Variants in SIMC1 observed in about 807,000 individuals in gnomAD.
The protein encoded by SIMC1 is SUMO interacting motifs containing 1.
SIMC1 carries 55 observed loss-of-function variants against 82.3 expected under a neutral mutation model. The ratio of observed to expected loss-of-function variants is 0.67; its 90% CI spans 0.54 to 0.84. The LOEUF is 0.84. SIMC1 is among the 40% of genes least tolerant of loss of function. The pLI, the probability that SIMC1 is intolerant of heterozygous loss-of-function variation, is 0.00. For missense variants in SIMC1, 915 were observed against 1,107.2 expected, an observed-to-expected ratio of 0.83 and a Z score of 2.46; for synonymous variants, 353 against 426.3, an observed-to-expected ratio of 0.83 and a Z score of 2.12.
intron 5 of SIMC1, among the ~76,000 whole-genome samples, chr5:176,321,441 A>G (rs1345256882): frequency 1.4e-5 from 2 of 138,792 alleles, no homozygotes; most frequent in African/African-American, 2.7e-5. Flanking sequence ...GACTCTGCCT[A>G]AAAAAAAAAA....
At chr5:176,313,986 A>G in intron 5 of SIMC1, 141 bp downstream of exon 5, 1 of 1,084,840 alleles carries the variant, frequency 9.2e-7, no homozygotes, top group South Asian at 1.7e-5. Flanking sequence ...CTATAGATAG[A>G]CCAGGTGCAG....
intron 1 of SIMC1, among the ~76,000 whole-genome samples, chr5:176,272,676 C>T (rs915246166): frequency 6.6e-6 from 1 of 152,154 alleles, no homozygotes; most frequent in East Asian, 1.9e-4. Context: ...CAGGGAATTC[C>T]CTTTCCTAGC....
intron 4 of SIMC1, among the ~76,000 whole-genome samples, chr5:176,309,478 G>A (rs915287984): frequency 9.2e-5 from 14 of 152,132 alleles, no homozygotes; most frequent in African/African-American, 3.4e-4. Flanking sequence ...ACAAGTTCTT[G>A]GACTTTGCCC....
At chr5:176,266,420 A>AC (rs1366277938) in intron 1 of SIMC1, among the ~76,000 whole-genome samples, 1 of 151,982 alleles carries the variant, frequency 6.6e-6, no homozygotes, top group African/African-American at 2.4e-5. Context: ...ACAACAGAGG[A>AC]CCCCCGCCCC....
chr5:176,308,447 T>C (rs148088816), intron 4 of SIMC1: 5 of 1,608,220 alleles, frequency 3.1e-6, no homozygotes, highest in Non-Finnish European at 4.3e-6. Context: ...CTCATATAAC[T>C]GTTTGGCCTT....
intron 1 of SIMC1, among the ~76,000 whole-genome samples, chr5:176,273,214 G>A (rs1311157870): frequency 6.6e-6 from 1 of 152,178 alleles, no homozygotes; most frequent in Admixed American, 6.5e-5. Context: ...ATACAGCCGG[G>A]TGCCCCTCTG....
At chr5:176,271,453 G>T (rs1457886577) in intron 1 of SIMC1, among the ~76,000 whole-genome samples, 1 of 152,124 alleles carries the variant, frequency 6.6e-6, no homozygotes, top group East Asian at 1.9e-4. Flanking sequence ...AGAACTGGAC[G>T]ACATTCTGTT....
At chr5:176,341,705 A>G (rs1766154765) in intron 9 of SIMC1, among the ~76,000 whole-genome samples, 1 of 152,220 alleles carries the variant, frequency 6.6e-6, no homozygotes, top group African/African-American at 2.4e-5. Flanking sequence ...TCTGCAAAGA[A>G]GATGAAGAGC....
At chr5:176,251,167 C>G (rs1761637315) in intron 1 of SIMC1, among the ~76,000 whole-genome samples, 1 of 152,094 alleles carries the variant, frequency 6.6e-6, no homozygotes, top group East Asian at 1.9e-4. Context: ...CGAGACCATC[C>G]TGGGCAACAT....
At chr5:176,305,617 T>C (rs1417525376) in intron 4 of SIMC1, among the ~76,000 whole-genome samples, 20 of 128,792 alleles carry the variant, frequency 1.6e-4, no homozygotes, top group East Asian at 9.7e-4. Context: ...CCCCCCCGTC[T>C]GGGAGGTGAG....
intron 5 of SIMC1, among the ~76,000 whole-genome samples, chr5:176,316,165 ACT>A (rs750656921): frequency 8.5e-5 from 13 of 152,180 alleles, no homozygotes; most frequent in Non-Finnish European, 1.6e-4. Context: ...ACAGAGCGAG[ACT>A]CTGTCTCAAA....
At chr5:176,280,833 AC>A (rs1306079822) in intron 1 of SIMC1, among the ~76,000 whole-genome samples, 7 of 152,232 alleles carry the variant, frequency 4.6e-5, no homozygotes, top group African/African-American at 1.7e-4. Context: ...TTTGTGGGTA[AC>A]CCGACCTTTC....
intron 1 of SIMC1, among the ~76,000 whole-genome samples, chr5:176,271,411 G>C (rs1191928666): frequency 1.3e-5 from 2 of 152,086 alleles, no homozygotes; most frequent in Non-Finnish European, 2.9e-5. Flanking sequence ...ATCCAGTAAA[G>C]AAATAGAATC....
intron 7 of SIMC1, among the ~76,000 whole-genome samples, chr5:176,328,827 C>T (rs1463637357): frequency 6.6e-6 from 1 of 152,050 alleles, no homozygotes; most frequent in Non-Finnish European, 1.5e-5. Flanking sequence ...ATGAGGCTGG[C>T]CTGGGCAACA....
In SIMC1 at chr5:176,317,550, C is replaced by T. The variant is rs190920433; in HGVS notation, c.1889+3705C>T. Among the ~76,000 whole-genome samples, 256 of 152,192 alleles carry T rather than the reference C, an allele frequency of 1.7e-3. 2 individuals carry two copies. Among genetic ancestry groups the T allele is most frequent in the Admixed American group, 0.013 (194 of 15,280 alleles). Reference sequence around the variant, plus strand: ...CTTCTCACATGAAAAATAAGGAGTTCGCTCTTTTTCCTCCCCACATTCCCC... The same window carrying T: ...CTTCTCACATGAAAAATAAGGAGTTTGCTCTTTTTCCTCCCCACATTCCCC... On this transcript the variant is annotated intron_variant, in intron 5 of 9. Transcript: ENST00000429602.
At chr5:176,252,247 G>C (rs1414889228) in intron 1 of SIMC1, among the ~76,000 whole-genome samples, 2 of 151,196 alleles carry the variant, frequency 1.3e-5, no homozygotes, top group African/African-American at 4.9e-5. Flanking sequence ...GGACGGGGCG[G>C]CTGGCTAGGC....
chr5:176,313,846 G>A lies in SIMC1; in HGVS notation c.1889+1G>A. 2.5e-6 allele frequency: 4 copies of A among 1,613,234 alleles called. No homozygotes were observed. The highest frequency in any genetic ancestry group is 3.4e-6 in the Non-Finnish European group (4 of 1,179,824). On this transcript the variant is annotated splice_donor_variant, in intron 5 of 9. Transcript: ENST00000429602. LOFTEE classifies it high-confidence loss of function. Reference sequence around the variant, plus strand: ...GTGACAAGCAGCCCCACAATGTCAGGTAAGCAGCCACCTGAGCCCTCGGAT... The same window carrying A: ...GTGACAAGCAGCCCCACAATGTCAGATAAGCAGCCACCTGAGCCCTCGGAT...
At chr5:176,328,116 G>A (rs1765470974) in intron 7 of SIMC1, among the ~76,000 whole-genome samples, 1 of 152,122 alleles carries the variant, frequency 6.6e-6, no homozygotes, top group Non-Finnish European at 1.5e-5. Flanking sequence ...TGGCCAGGCT[G>A]GTCTCGAACT....
chr5:176,274,623 G>A (rs946174014), intron 1 of SIMC1, among the ~76,000 whole-genome samples: 36 of 151,924 alleles, frequency 2.4e-4, no homozygotes, highest in African/African-American at 8.2e-4. Flanking sequence ...TTCTTCTAGG[G>A]TTTTTATGGT....
Sources: allele counts gnomAD v4.1 joint callset (sites outside exome capture counted in the v4.1 genomes callset), GRCh38; gene constraint gnomAD v4.1.1; transcripts MANE v1.5; gene names NCBI Gene and HGNC (gene_info 2026-07-23, HGNC 2026-07-21).